The following KCNMA1 variants were observed in gnomAD, a reference collection of about 807,000 sequenced individuals.
KCNMA1 encodes Calcium-activated potassium channel subunit alpha-1.
In KCNMA1, 29 loss-of-function variants were observed where a neutral mutation model predicts 140.0. The observed-to-expected ratio is 0.21, with a 90% CI of 0.15 to 0.28. The LOEUF is 0.28. KCNMA1 is among the 10% of genes least tolerant of loss of function. The probability of loss-of-function intolerance (pLI) is 1.00; values close to 1 mark genes in which losing one functional copy is unlikely to be tolerated. For missense variants in KCNMA1, 880 were observed against 1,602.2 expected (o/e 0.55, Z 7.70); for synonymous variants, 612 against 611.9 (o/e 1.00, Z 0.00).
chr10:76,914,193 A>T, intron 24 of KCNMA1: 1 of 1,286,322 alleles, frequency 7.8e-7, no homozygotes, highest in Non-Finnish European at 1.1e-6. Flanking sequence ...AAGTACAGAA[A>T]AAGAAGAGAG....
At position 76,886,799 on chromosome 10, in the gene KCNMA1, ATG is replaced by A; in HGVS notation, c.*465_*466del. On this transcript the variant is annotated 3_prime_UTR_variant, in exon 28 of 28. Transcript: ENST00000286628. ...GTTTGGTTGCTTGTTTCAAATAAAC[ATG>A]TGCTAACTTATTGTGTGTATAAAAA... 1 of 1,035,430 alleles carries A rather than the reference ATG, an allele frequency of 9.7e-7. No homozygotes were observed. The highest frequency in any genetic ancestry group is 1.2e-6 in the Non-Finnish European group (1 of 859,538). 64.1% of individuals were successfully genotyped at this position (1,035,430 alleles called of 1,614,324 possible). A position where few individuals can be genotyped will look rare whatever the true frequency, so the allele number is the denominator to read the frequency against.
chr10:77,437,449 C>T (rs1013389896), intron 1 of KCNMA1, among the ~76,000 whole-genome samples: 2 of 152,128 alleles, frequency 1.3e-5, no homozygotes, highest in Non-Finnish European at 2.9e-5. Context: ...GGGATTATGA[C>T]TGCTTTTGTA....
intron 5 of KCNMA1, among the ~76,000 whole-genome samples, chr10:77,146,492 G>A (rs904353272): frequency 2.0e-5 from 3 of 152,080 alleles, no homozygotes; most frequent in African/African-American, 7.2e-5. Flanking sequence ...GTTGAGGCCA[G>A]GAGTTTGAGA....
chr10:76,935,524 G>A (rs573954782), intron 23 of KCNMA1, among the ~76,000 whole-genome samples: 6 of 152,174 alleles, frequency 3.9e-5, no homozygotes, highest in Non-Finnish European at 5.9e-5. Context: ...TTTCTCAACT[G>A]TAAAATGAAG....
chr10:77,413,214 T>C (rs1566682839), intron 1 of KCNMA1, among the ~76,000 whole-genome samples: 1 of 152,156 alleles, frequency 6.6e-6, no homozygotes, highest in Non-Finnish European at 1.5e-5. Flanking sequence ...TGACATCCTG[T>C]GGCACAGTTT....
At chr10:77,350,453 T>C (rs763996374) in intron 2 of KCNMA1, 7 of 152,110 alleles carry the variant, frequency 4.6e-5, no homozygotes, top group South Asian at 2.1e-4. Context: ...ACTGGAACAG[T>C]TGGAGTTCAG....
At chr10:77,348,754 A>T (rs2092518074) in intron 2 of KCNMA1, among the ~76,000 whole-genome samples, 1 of 152,236 alleles carries the variant, frequency 6.6e-6, no homozygotes, top group Non-Finnish European at 1.5e-5. Context: ...GGCCATCTTC[A>T]TTAGCTGCTG....
chr10:77,621,800 A>C (rs2091477968), intron 1 of KCNMA1, among the ~76,000 whole-genome samples: 1 of 152,086 alleles, frequency 6.6e-6, no homozygotes, highest in South Asian at 2.1e-4. Flanking sequence ...ATGATGGTGC[A>C]TGCCTGTAGT....
chr10:77,030,129 G>A (rs555052317), intron 15 of KCNMA1, among the ~76,000 whole-genome samples: 118 of 152,296 alleles, frequency 7.7e-4, no homozygotes, highest in African/African-American at 2.7e-3. Context: ...CAGACAGTCA[G>A]ATGTCAAAGG....
At chr10:77,042,460 T>A (rs2094785321) in intron 14 of KCNMA1, among the ~76,000 whole-genome samples, 1 of 152,198 alleles carries the variant, frequency 6.6e-6, no homozygotes, top group Admixed American at 6.5e-5. Context: ...CTATATGAGG[T>A]ATCACTAATT....
At chr10:77,398,924 T>C (rs1422518553) in intron 2 of KCNMA1, among the ~76,000 whole-genome samples, 1 of 152,162 alleles carries the variant, frequency 6.6e-6, no homozygotes, top group Admixed American at 6.5e-5. Flanking sequence ...TTAATTTACC[T>C]GACAAAAATG....
At chr10:77,070,903 G>C (rs950342954) in intron 14 of KCNMA1, among the ~76,000 whole-genome samples, 1 of 152,190 alleles carries the variant, frequency 6.6e-6, no homozygotes, top group Non-Finnish European at 1.5e-5. Flanking sequence ...GGGAAGGCTT[G>C]TGATTTCCAG....
At chr10:77,427,443 G>T (rs945886563) in intron 1 of KCNMA1, among the ~76,000 whole-genome samples, 1 of 152,202 alleles carries the variant, frequency 6.6e-6, no homozygotes, top group Non-Finnish European at 1.5e-5. Flanking sequence ...ATGCACCACA[G>T]AGGGTGTTAG....
intron 2 of KCNMA1, among the ~76,000 whole-genome samples, chr10:77,389,607 T>A (rs1444637688): frequency 6.6e-6 from 1 of 152,076 alleles, no homozygotes; most frequent in East Asian, 1.9e-4. Flanking sequence ...AGGAACAACA[T>A]CCCCTTAGAG....
chr10:77,533,949 T>G (rs1193826423), intron 1 of KCNMA1, among the ~76,000 whole-genome samples: 3 of 152,174 alleles, frequency 2.0e-5, no homozygotes, highest in Non-Finnish European at 4.4e-5. Flanking sequence ...GGGAGAACCC[T>G]TCCCTCTCTT....
chr10:77,570,150 T>G (rs1468465226), intron 1 of KCNMA1, among the ~76,000 whole-genome samples: 1 of 151,766 alleles, frequency 6.6e-6, no homozygotes, highest in African/African-American at 2.4e-5. Context: ...GACTGTAAAC[T>G]AGTTCAACCA....
intron 25 of KCNMA1, among the ~76,000 whole-genome samples, chr10:76,893,995 C>T (rs2041401299): frequency 6.6e-6 from 1 of 152,002 alleles, no homozygotes; most frequent in Admixed American, 6.6e-5. Flanking sequence ...TCTAAAACTG[C>T]AACAGACCCA....
In KCNMA1 at chr10:77,178,990, C is replaced by T. The variant is rs2098779092; in HGVS notation, c.808+4431G>A. 6.6e-5 allele frequency among the ~76,000 whole-genome samples: 10 copies of T among 152,152 alleles called. No homozygotes were observed. The South Asian group carries it at 2.1e-3, about 32-fold the overall frequency. ...TTGCCGACATGACTGTCCTCACATC[C>T]GCTGCCTTATTTTTTATTCTGTTCT... On this transcript the variant is annotated intron_variant, in intron 5 of 27. Transcript: ENST00000286628.
At chr10:77,024,978 T>C (rs1445130783) in intron 16 of KCNMA1, among the ~76,000 whole-genome samples, 2 of 151,756 alleles carry the variant, frequency 1.3e-5, no homozygotes, top group Non-Finnish European at 2.9e-5. Flanking sequence ...GTAGACAAAA[T>C]GGCACTAGAG....
Sources: allele counts gnomAD v4.1 joint callset (sites outside exome capture counted in the v4.1 genomes callset), GRCh38; gene constraint gnomAD v4.1.1; transcripts MANE v1.5; gene names NCBI Gene and HGNC (gene_info 2026-07-23, HGNC 2026-07-21).